TGFBR3: variants seen among roughly 807,000 people sequenced by gnomAD.
The protein encoded by TGFBR3 is transforming growth factor beta receptor 3.
TGFBR3 carries 46 observed loss-of-function variants against 87.9 expected under a neutral mutation model. The ratio of observed to expected loss-of-function variants is 0.52; its 90% CI spans 0.41 to 0.67. The LOEUF is 0.67. TGFBR3 is among the 30% of genes least tolerant of loss of function. The pLI, the probability that TGFBR3 is intolerant of heterozygous loss-of-function variation, is 0.00. For missense variants in TGFBR3, 866 were observed against 1,041.9 expected (o/e 0.83, Z 2.32); for synonymous variants, 381 against 391.6 (o/e 0.97, Z 0.32).
rs958916790 is a variant in TGFBR3 at position 91,901,283 on chromosome 1, G to C, written c.-174-1586C>G. Among the ~76,000 whole-genome samples, 3 of 152,196 alleles carry C rather than the reference G, an allele frequency of 2.0e-5. No homozygotes were observed. The South Asian group carries it at 6.2e-4, about 32-fold the overall frequency. On this transcript the variant is annotated intron_variant, in intron 1 of 17. Transcript: ENST00000370399. Reference sequence around the variant, plus strand: ...CAACTCTTCATCAGTCCAAATACTTGGTTAGTTGGAACACATACAAATAAT... The same window carrying C: ...CAACTCTTCATCAGTCCAAATACTTCGTTAGTTGGAACACATACAAATAAT...
At chr1:91,849,819 A>T (rs924809656) in intron 2 of TGFBR3, among the ~76,000 whole-genome samples, 10 of 152,234 alleles carry the variant, frequency 6.6e-5, no homozygotes, top group African/African-American at 2.4e-4. Flanking sequence ...GAGGTGGCTC[A>T]CGCCTGTAAT....
intron 3 of TGFBR3, among the ~76,000 whole-genome samples, chr1:91,769,418 C>A (rs1455818499): frequency 6.6e-6 from 1 of 152,094 alleles, no homozygotes; most frequent in African/African-American, 2.4e-5. Context: ...AAACCAACTT[C>A]TCTCTGGGCA....
Position 91,680,361 on chromosome 1 carries a change from C to A in TGFBR3, c.*3378G>T, listed in dbSNP as rs954966881. 3 of 437,206 alleles carry A rather than the reference C, an allele frequency of 6.9e-6. No homozygotes were observed. The highest frequency in any genetic ancestry group is 4.1e-5 in the African/African-American group (2 of 48,838). 27.1% of individuals were successfully genotyped at this position (437,206 alleles called of 1,614,324 possible). A position where few individuals can be genotyped will look rare whatever the true frequency, so the allele number is the denominator to read the frequency against. ...ACACATATTAATAACTGATATATAT[C>A]TTTTTATTATGCACAGATAAAAGAT... On this transcript the variant is annotated 3_prime_UTR_variant, in exon 17 of 17. Coordinates refer to ENST00000212355, the MANE Select transcript of TGFBR3 (RefSeq NM_003243.5).
At chr1:91,830,220 T>A (rs948539201) in intron 2 of TGFBR3, among the ~76,000 whole-genome samples, 5 of 152,236 alleles carry the variant, frequency 3.3e-5, no homozygotes, top group African/African-American at 9.6e-5. Flanking sequence ...TTTGCCTCTG[T>A]CTTTCTCTGG....
At chr1:91,704,519 A>C (rs1671728817) in intron 14 of TGFBR3, among the ~76,000 whole-genome samples, 1 of 152,148 alleles carries the variant, frequency 6.6e-6, no homozygotes, top group Admixed American at 6.5e-5. Flanking sequence ...TCCCAGATCC[A>C]CCATTTATAT....
chr1:91,738,213 T>C (rs1673028517), intron 4 of TGFBR3, among the ~76,000 whole-genome samples: 1 of 152,224 alleles, frequency 6.6e-6, no homozygotes, highest in South Asian at 2.1e-4. Flanking sequence ...ATTCCTATAA[T>C]AAATCTCTTT....
chr1:91,799,614 G>A (rs541661053), intron 2 of TGFBR3, among the ~76,000 whole-genome samples: 1 of 152,314 alleles, frequency 6.6e-6, no homozygotes, highest in South Asian at 2.1e-4. Flanking sequence ...AGAGCCTCCT[G>A]CCATGAATTT....
At chr1:91,858,224 A>G (rs1338867904) in intron 2 of TGFBR3, among the ~76,000 whole-genome samples, 1 of 152,210 alleles carries the variant, frequency 6.6e-6, no homozygotes, top group African/African-American at 2.4e-5. Context: ...ATAACTACCC[A>G]GATGAGCTAA....
intron 4 of TGFBR3, among the ~76,000 whole-genome samples, chr1:91,757,861 G>A (rs1204255963): frequency 6.6e-6 from 1 of 152,136 alleles, no homozygotes; most frequent in Non-Finnish European, 1.5e-5. Context: ...GATGCTTGTG[G>A]GCAAGAGAGG....
At chr1:91,810,175 C>T (rs879473104) in intron 2 of TGFBR3, among the ~76,000 whole-genome samples, 2 of 152,130 alleles carry the variant, frequency 1.3e-5, no homozygotes, top group Non-Finnish European at 2.9e-5. Context: ...CCTCCCACCT[C>T]GGCCTCCCGA....
intron 4 of TGFBR3, among the ~76,000 whole-genome samples, chr1:91,746,809 A>G (rs1012073521): frequency 2.6e-5 from 4 of 152,112 alleles, no homozygotes; most frequent in Admixed American, 2.6e-4. Flanking sequence ...TAAAGGATCT[A>G]CCCAAGGCAC....
intron 1 of TGFBR3, among the ~76,000 whole-genome samples, chr1:91,902,189 C>G (rs906055127): frequency 1.3e-5 from 2 of 152,054 alleles, no homozygotes; most frequent in African/African-American, 4.8e-5. Context: ...TAGGTGCTCT[C>G]TTTCCAAATC....
intron 4 of TGFBR3, among the ~76,000 whole-genome samples, chr1:91,744,692 C>A (rs1040412049): frequency 1.3e-5 from 2 of 152,152 alleles, no homozygotes; most frequent in Non-Finnish European, 2.9e-5. Flanking sequence ...CATTATAATC[C>A]TCCCTCTACC....
At chr1:91,708,928 G>A in intron 13 of TGFBR3, 145 bp from the exon 14 acceptor site, 1 of 1,171,424 alleles carries the variant, frequency 8.5e-7, no homozygotes, top group Non-Finnish European at 1.2e-6. Context: ...GTGTTTTTCA[G>A]AGAACACCAA....
chr1:91,819,582 T>C (rs1033421501), intron 2 of TGFBR3, among the ~76,000 whole-genome samples: 2 of 152,184 alleles, frequency 1.3e-5, no homozygotes, highest in Non-Finnish European at 2.9e-5. Context: ...ATACAGCCTT[T>C]CCTGGTCATG....
At chr1:91,828,517 C>A (rs1264507954) in intron 2 of TGFBR3, among the ~76,000 whole-genome samples, 2 of 152,164 alleles carry the variant, frequency 1.3e-5, no homozygotes, top group African/African-American at 4.8e-5. Context: ...TAAAGCTGAT[C>A]CAGTTCAGTT....
At chr1:91,717,107 C>A (rs1462006016) in intron 10 of TGFBR3, among the ~76,000 whole-genome samples, 3 of 152,184 alleles carry the variant, frequency 2.0e-5, no homozygotes, top group African/African-American at 7.2e-5. Flanking sequence ...ATATTATAAA[C>A]TCTAAGAACT....
At chr1:91,727,208 C>T (rs1411639825) in intron 7 of TGFBR3, among the ~76,000 whole-genome samples, 2 of 152,208 alleles carry the variant, frequency 1.3e-5, no homozygotes, top group East Asian at 3.8e-4. Context: ...ATGATGTGAG[C>T]TGGGGTCAGC....
chr1:91,797,943 C>T (rs117268247), intron 2 of TGFBR3, among the ~76,000 whole-genome samples: 1 of 152,094 alleles, frequency 6.6e-6, no homozygotes, highest in African/African-American at 2.4e-5. Context: ...CAATACAGAG[C>T]AAGATGTAAC....
Sources: gnomAD v4.1 joint callset for allele counts (sites outside exome capture counted in the v4.1 genomes callset) on GRCh38, gnomAD v4.1.1 for gene constraint, MANE v1.5 for transcripts, NCBI Gene and HGNC (gene_info 2026-07-23, HGNC 2026-07-21) for gene names.